SAMMSON: variants seen among roughly 807,000 people sequenced by gnomAD.
The protein encoded by SAMMSON is long intergenic non-protein coding RNA 1212.
intron 4 of SAMMSON, among the ~76,000 whole-genome samples, chr3:70,246,070 A>C (rs1026077196): frequency 6.6e-6 from 1 of 151,908 alleles, no homozygotes; most frequent in Admixed American, 6.6e-5. Context: ...TTTTATTCCC[A>C]AAAGATATCA....
intron 4 of SAMMSON, among the ~76,000 whole-genome samples, chr3:70,078,963 G>GT (rs1405528671): frequency 2.0e-5 from 3 of 152,198 alleles, no homozygotes; most frequent in Non-Finnish European, 4.4e-5. Context: ...CCCACTGCCT[G>GT]TTTTTGTAAA....
rs575898723 is a variant in SAMMSON, at chr3:70,151,314, G to A, written n.507+79749G>A. ...AGGATGGTGTCGGGGTGTTCAGCTG[G>A]TGGAAGTACTTTTGGGTTCTGCTCC... On this transcript the variant is annotated intron_variant and non_coding_transcript_variant, in intron 4 of 9. Transcript: ENST00000642114. 7.2e-5 allele frequency among the ~76,000 whole-genome samples: 11 copies of A among 152,134 alleles called. 1 individual carries two copies. The highest frequency in any genetic ancestry group is 5.8e-4 in the East Asian group (3 of 5,158).
At chr3:70,010,775 C>A (rs1398167410) in intron 1 of SAMMSON, among the ~76,000 whole-genome samples, 1 of 152,116 alleles carries the variant, frequency 6.6e-6, no homozygotes, top group Non-Finnish European at 1.5e-5. Flanking sequence ...TCGGGGAGGC[C>A]TCAGGAAACT....
intron 4 of SAMMSON, among the ~76,000 whole-genome samples, chr3:70,240,357 A>T (rs554940713): frequency 1.3e-5 from 2 of 151,782 alleles, no homozygotes; most frequent in Admixed American, 1.3e-4. Context: ...TAATCTCTCC[A>T]CTTGTGTTTG....
chr3:70,126,067 A>T (rs2106670645), intron 4 of SAMMSON: 1 of 1,118,452 alleles, frequency 8.9e-7, no homozygotes, highest in African/African-American at 1.5e-5. Context: ...AAGGACCTGT[A>T]CATAGAACTT....
chr3:70,001,138 A>T (rs971608524), intron 1 of SAMMSON, among the ~76,000 whole-genome samples: 15 of 152,052 alleles, frequency 9.9e-5, no homozygotes, highest in African/African-American at 3.4e-4. Context: ...ACAATCCCCG[A>T]ACTTCTTAAA....
chr3:70,086,567 A>G (rs529397374), intron 4 of SAMMSON, among the ~76,000 whole-genome samples: 4 of 152,242 alleles, frequency 2.6e-5, no homozygotes, highest in African/African-American at 9.6e-5. Context: ...TGGATGCTAA[A>G]ACAAGAGCCT....
At chr3:70,217,028 C>CA (rs1342581826) in intron 4 of SAMMSON, among the ~76,000 whole-genome samples, 1 of 152,148 alleles carries the variant, frequency 6.6e-6, no homozygotes, top group Non-Finnish European at 1.5e-5. Context: ...GCTATCACAT[C>CA]ACTCTTTCAT....
downstream of SAMMSON, among the ~76,000 whole-genome samples, chr3:70,390,992 G>T (rs1701042837): frequency 6.6e-6 from 1 of 152,000 alleles, no homozygotes; most frequent in South Asian, 2.1e-4. Flanking sequence ...TGACCCTATT[G>T]TGTCATTAGA....
rs139533596 is a variant in SAMMSON at position 70,081,218 on chromosome 3, A to G, written n.507+9653A>G. 7.2e-3 allele frequency among the ~76,000 whole-genome samples: 1,092 copies of G among 152,214 alleles called. 10 individuals carry two copies. The highest frequency in any genetic ancestry group is 0.023 in the African/African-American group (962 of 41,522). ...AAGCTCCGCCTCCAGGCTTCACTCC[A>G]TTCTCCTGCCTCAGCCTTCCAAGTA... On this transcript the variant is annotated intron_variant and non_coding_transcript_variant, in intron 4 of 9. Coordinates refer to ENST00000642114, the Ensembl canonical transcript of SAMMSON.
chr3:70,162,192 C>T (rs919130056), intron 4 of SAMMSON, among the ~76,000 whole-genome samples: 7 of 151,538 alleles, frequency 4.6e-5, no homozygotes, highest in Non-Finnish European at 1.0e-4. Context: ...GGCTTAATTT[C>T]TTCTTCTTTT....
intron 4 of SAMMSON, among the ~76,000 whole-genome samples, chr3:70,181,568 T>C (rs1049810309): frequency 1.3e-5 from 2 of 152,170 alleles, no homozygotes; most frequent in African/African-American, 4.8e-5. Flanking sequence ...CCCCACCTCA[T>C]AGGGTTGTTG....
chr3:70,251,120 C>T (rs1701763306), intron 6 of SAMMSON, among the ~76,000 whole-genome samples: 1 of 152,136 alleles, frequency 6.6e-6, no homozygotes, highest in Non-Finnish European at 1.5e-5. Flanking sequence ...GTACAACAGG[C>T]CTGTGGTTAA....
chr3:70,248,322 C>T (rs918382246), intron 4 of SAMMSON, among the ~76,000 whole-genome samples: 3 of 152,044 alleles, frequency 2.0e-5, no homozygotes, highest in Non-Finnish European at 2.9e-5. Flanking sequence ...TAATGTTCCA[C>T]CTCTGAAGGA....
intron 4 of SAMMSON, among the ~76,000 whole-genome samples, chr3:70,215,553 A>G (rs1474103195): frequency 2.0e-5 from 3 of 152,028 alleles, no homozygotes; most frequent in Non-Finnish European, 4.4e-5. Context: ...GAAGCTTCCT[A>G]CAACTGTCCC....
chr3:70,102,126 G>T (rs2067348685), intron 4 of SAMMSON, among the ~76,000 whole-genome samples: 1 of 152,160 alleles, frequency 6.6e-6, no homozygotes, highest in South Asian at 2.1e-4. Context: ...GCCATTTTCA[G>T]GATGTTTAGA....
At chr3:70,339,913 C>G (rs1702697723) in intron 7 of SAMMSON, among the ~76,000 whole-genome samples, 1 of 152,084 alleles carries the variant, frequency 6.6e-6, no homozygotes, top group Non-Finnish European at 1.5e-5. Context: ...GGTATATACC[C>G]AAAGGATTAT....
At chr3:70,428,736 ATC>A (rs1701391115) in intron 2 of SAMMSON, among the ~76,000 whole-genome samples, 2 of 152,250 alleles carry the variant, frequency 1.3e-5, no homozygotes, top group South Asian at 2.1e-4. Context: ...CTAAACAGTG[ATC>A]TATCTAAAAG....
At position 70,329,295 on chromosome 3, in the gene SAMMSON, T is replaced by G. The variant is rs186624792; in HGVS notation, n.740-24880T>G. The stretch of plus-strand genomic sequence containing the variant: ...CTATTAACATTTGCCTTTATGGTTC[T>G]TTAAATTCCAAAAACTCTAAAATAC... On this transcript the variant is annotated intron_variant and non_coding_transcript_variant, in intron 7 of 9. Transcript: ENST00000642114. Among the ~76,000 whole-genome samples the G allele has an allele frequency of 2.2e-3, 335 of 152,256 alleles. 2 individuals carry two copies. The highest frequency in any genetic ancestry group is 7.3e-3 in the African/African-American group (303 of 41,584).
Sources: gnomAD v4.1 joint callset for allele counts (sites outside exome capture counted in the v4.1 genomes callset) on GRCh38, gnomAD v4.1.1 for gene constraint, MANE v1.5 for transcripts, NCBI Gene and HGNC (gene_info 2026-07-23, HGNC 2026-07-21) for gene names.